THSD7A: variants seen among roughly 807,000 people sequenced by gnomAD.
THSD7A encodes the protein thrombospondin type-1 domain-containing protein 7A.
A neutral mutation model predicts 231.3 loss-of-function variants in THSD7A; 96 were observed. That is an observed-to-expected ratio of 0.41 (90% CI 0.35 to 0.49). The LOEUF is 0.49. Ranked by LOEUF, THSD7A falls within the 20% of genes least tolerant of loss-of-function variation. The pLI is 0.05. For synonymous variants in THSD7A, 940 were observed against 743.3 expected, an observed-to-expected ratio of 1.26 and a Z score of -4.30; for missense variants, 2,290 against 2,070.2, an observed-to-expected ratio of 1.11 and a Z score of -2.06.
intron 4 of THSD7A, among the ~76,000 whole-genome samples, chr7:11,568,656 C>CAAAAAAAAAAAAAAAAA (rs1562728058): frequency 2.3e-5 from 2 of 88,622 alleles, no homozygotes; most frequent in Non-Finnish European, 4.4e-5. Flanking sequence ...AAAAAAAAAC[C>CAAAAAAAAAAAAAAAAA]AAAATCTGGA....
intron 23 of THSD7A, among the ~76,000 whole-genome samples, chr7:11,387,302 C>A (rs980879806): frequency 6.6e-6 from 1 of 152,096 alleles, no homozygotes; most frequent in East Asian, 1.9e-4. Context: ...TTACTTTGGG[C>A]AGTATGGCCA....
At chr7:11,803,734 A>G (rs779847542) in intron 1 of THSD7A, among the ~76,000 whole-genome samples, 14 of 152,110 alleles carry the variant, frequency 9.2e-5, no homozygotes, top group Non-Finnish European at 1.9e-4. Context: ...CTGCCGCTAT[A>G]TTGTAGAATC....
chr7:11,736,742 T>C (rs1781928908), intron 1 of THSD7A, among the ~76,000 whole-genome samples: 3 of 151,868 alleles, frequency 2.0e-5, no homozygotes, highest in Admixed American at 2.0e-4. Context: ...GAAAAACACA[T>C]TCTGGCTTTC....
chr7:11,805,096 C>G (rs892911790), intron 1 of THSD7A, among the ~76,000 whole-genome samples: 14 of 152,118 alleles, frequency 9.2e-5, no homozygotes, highest in Non-Finnish European at 5.9e-5. Flanking sequence ...ATATATCCAC[C>G]TGCCTGAGCC....
At chr7:11,757,284 G>A (rs190093137) in intron 1 of THSD7A, among the ~76,000 whole-genome samples, 18 of 152,020 alleles carry the variant, frequency 1.2e-4, no homozygotes, top group African/African-American at 4.3e-4. Context: ...ATATTGGTTG[G>A]CACATATTTA....
intron 1 of THSD7A, among the ~76,000 whole-genome samples, chr7:11,759,575 C>T (rs1239981301): frequency 6.6e-6 from 1 of 151,876 alleles, no homozygotes. Context: ...CTAAATTTTT[C>T]AGAATTCATG....
chr7:11,704,052 C>T (rs186834325), intron 1 of THSD7A, among the ~76,000 whole-genome samples: 2 of 151,110 alleles, frequency 1.3e-5, no homozygotes, highest in Admixed American at 6.6e-5. Context: ...AATCTTTATA[C>T]TAATGCTATA....
At chr7:11,545,973 C>T (rs914969673) in intron 4 of THSD7A, among the ~76,000 whole-genome samples, 5 of 152,144 alleles carry the variant, frequency 3.3e-5, no homozygotes, top group African/African-American at 1.2e-4. Context: ...ATCTTCCAGC[C>T]CGTCCCAGGG....
intron 1 of THSD7A, among the ~76,000 whole-genome samples, chr7:11,779,935 C>T (rs942164071): frequency 1.3e-5 from 2 of 152,252 alleles, no homozygotes; most frequent in South Asian, 2.1e-4. Flanking sequence ...CAACAATGCA[C>T]GTCTTTGGGT....
At chr7:11,388,606 A>G (rs1782858370) in intron 23 of THSD7A, among the ~76,000 whole-genome samples, 1 of 151,994 alleles carries the variant, frequency 6.6e-6, no homozygotes, top group African/African-American at 2.4e-5. Context: ...TCTGGCTAGC[A>G]GTGTATCTAT....
intron 1 of THSD7A, among the ~76,000 whole-genome samples, chr7:11,662,336 G>C (rs1377031592): frequency 6.6e-6 from 1 of 151,192 alleles, no homozygotes; most frequent in East Asian, 1.9e-4. Flanking sequence ...ATTGATAAAA[G>C]TATCAGTTCA....
intron 9 of THSD7A, among the ~76,000 whole-genome samples, chr7:11,463,505 T>G (rs903455608): frequency 1.4e-4 from 22 of 152,312 alleles, no homozygotes; most frequent in African/African-American, 4.1e-4. Context: ...TGAAATCTAC[T>G]GTAATACACG....
chr7:11,653,015 A>C (rs1404633312), intron 1 of THSD7A, among the ~76,000 whole-genome samples: 1 of 151,860 alleles, frequency 6.6e-6, no homozygotes, highest in Non-Finnish European at 1.5e-5. Flanking sequence ...CATCTTCTCA[A>C]CTTACTTACT....
At position 11,637,102 on chromosome 7, in the gene THSD7A, G is replaced by A; in HGVS notation, c.191-141C>T. 1 of 745,122 alleles carries A rather than the reference G, an allele frequency of 1.3e-6. No individual in the cohort carries two copies. The highest frequency in any genetic ancestry group is 2.1e-6 in the Non-Finnish European group (1 of 468,292). 46.2% of individuals were successfully genotyped at this position (745,122 alleles called of 1,614,324 possible). A position where few individuals can be genotyped will look rare whatever the true frequency, so the allele number is the denominator to read the frequency against. On this transcript the variant is annotated intron_variant, in intron 1 of 27. Transcript: ENST00000423059. This position sits in a 1 kb window ranked among gnomAD's most constrained non-coding sequence, Gnocchi z 4.2. ...AAGTAGGTCTCTGGACACGACTGTT[G>A]GAAAGTAATGATCCTCGCTAAGTAT... is the stretch of plus-strand genomic sequence containing the variant.
At chr7:11,462,455 G>T (rs1785541678) in intron 9 of THSD7A, among the ~76,000 whole-genome samples, 2 of 152,148 alleles carry the variant, frequency 1.3e-5, no homozygotes, top group Admixed American at 1.3e-4. Flanking sequence ...GAATATGACA[G>T]ATCTAATTAA....
At chr7:11,730,588 G>A (rs1258114666) in intron 1 of THSD7A, among the ~76,000 whole-genome samples, 7 of 151,128 alleles carry the variant, frequency 4.6e-5, no homozygotes, top group African/African-American at 9.7e-5. Flanking sequence ...ATATGAATAC[G>A]AACTGTTTTC....
chr7:11,778,025 C>T (rs574456422), intron 1 of THSD7A, among the ~76,000 whole-genome samples: 5 of 148,354 alleles, frequency 3.4e-5, no homozygotes, highest in East Asian at 2.0e-4. Flanking sequence ...GGCGTAGTGG[C>T]GGGCGCCTGT....
chr7:11,443,450 T>C (rs1784866737), intron 13 of THSD7A, among the ~76,000 whole-genome samples: 1 of 152,030 alleles, frequency 6.6e-6, no homozygotes, highest in African/African-American at 2.4e-5. Flanking sequence ...TTTCTCAAAG[T>C]ACATGGATTA....
At chr7:11,493,782 G>A (rs1786991594) in intron 6 of THSD7A, among the ~76,000 whole-genome samples, 1 of 151,986 alleles carries the variant, frequency 6.6e-6, no homozygotes, top group African/African-American at 2.4e-5. Context: ...AACCAGACTG[G>A]ACTCTTTTTT....
Sources: allele counts gnomAD v4.1 joint callset (sites outside exome capture counted in the v4.1 genomes callset), GRCh38; gene constraint gnomAD v4.1.1; non-coding constraint Gnocchi (gnomAD v3.1); transcripts MANE v1.5; gene names NCBI Gene and HGNC (gene_info 2026-07-23, HGNC 2026-07-21).